Variants in MGAT4C observed in about 807,000 individuals in gnomAD.
The protein encoded by MGAT4C is MGAT4 family member C.
In MGAT4C, 19 loss-of-function variants were observed where a neutral mutation model predicts 40.1. That is an observed-to-expected ratio of 0.47 (90% confidence interval 0.33 to 0.70). The LOEUF (loss-of-function observed/expected upper bound fraction) is 0.70. Ranked by LOEUF, MGAT4C falls within the 30% of genes least tolerant of loss-of-function variation. MGAT4C has a pLI of 0.02. For missense variants in MGAT4C, 491 were observed against 563.2 expected, an observed-to-expected ratio of 0.87 and a Z score of 1.30; for synonymous variants, 181 against 187.1, an observed-to-expected ratio of 0.97 and a Z score of 0.27.
intron 4 of MGAT4C, 77 bp downstream of exon 4, chr12:85,983,446 C>T: frequency 1.5e-6 from 2 of 1,298,356 alleles, no homozygotes; most frequent in Non-Finnish European, 2.1e-6. Flanking sequence ...AGCCTTTTTA[C>T]TATACATGTG....
intron 2 of MGAT4C, among the ~76,000 whole-genome samples, chr12:86,012,166 T>C (rs1016511475): frequency 6.6e-6 from 1 of 152,202 alleles, no homozygotes; most frequent in African/African-American, 2.4e-5. Context: ...CTTAATGTCA[T>C]AGACATTTGC....
chr12:86,789,911 C>T (rs1478859914), intron 1 of MGAT4C, among the ~76,000 whole-genome samples: 1 of 151,962 alleles, frequency 6.6e-6, no homozygotes, highest in South Asian at 2.1e-4. Context: ...TTCACTTGAC[C>T]TTTTTCAACC....
At position 86,635,657 on chromosome 12, in the gene MGAT4C, TTG is replaced by T. The variant is rs71309507; in HGVS notation, c.-229+91550_-229+91551del. Among the ~76,000 whole-genome samples the T allele has an allele frequency of 6.6e-4, 97 of 146,984 alleles. 1 individual carries two copies. The highest frequency in any genetic ancestry group is 7.0e-3 in the Middle Eastern group (2 of 286). ...TTTTACTGTACCTTTTCTATATACA[TTG>T]TGTGTGTGTGTGTGTGTGTGTGTAT... On this transcript the variant is annotated intron_variant, in intron 2 of 7. Coordinates refer to the MGAT4C transcript ENST00000548651.
rs553479535 is a variant in MGAT4C, at chr12:86,306,052, T to C, written c.-57+28013A>G. ...GGAAAGATACATATTGCAAGAAAGGTTGAATTCATATTGATTAGGTAAGAA... is the reference window on the plus strand; with the variant it reads ...GGAAAGATACATATTGCAAGAAAGGCTGAATTCATATTGATTAGGTAAGAA... On this transcript the variant is annotated intron_variant, in intron 4 of 7. Transcript: ENST00000548651. 2.7e-5 allele frequency among the ~76,000 whole-genome samples: 4 copies of C among 150,656 alleles called. No individual in the cohort carries two copies. The South Asian group carries it at 8.3e-4, about 31-fold the overall frequency.
chr12:86,589,201 T>C (rs1961211634), intron 2 of MGAT4C, among the ~76,000 whole-genome samples: 1 of 151,756 alleles, frequency 6.6e-6, no homozygotes, highest in Admixed American at 6.6e-5. Flanking sequence ...ATAGACGCAA[T>C]AAAAAATGAT....
At chr12:86,412,808 C>A (rs1001267373) in intron 3 of MGAT4C, among the ~76,000 whole-genome samples, 2 of 152,052 alleles carry the variant, frequency 1.3e-5, no homozygotes, top group African/African-American at 4.8e-5. Flanking sequence ...GTGTCCCTAC[C>A]CAAATCTCAT....
chr12:86,501,665 G>A (rs571175212), intron 2 of MGAT4C, among the ~76,000 whole-genome samples: 44 of 152,096 alleles, frequency 2.9e-4, no homozygotes, highest in Non-Finnish European at 4.9e-4. Flanking sequence ...CCCTGCAAAG[G>A]ACATGATCTT....
At chr12:86,429,340 A>G (rs1956989432) in intron 3 of MGAT4C, among the ~76,000 whole-genome samples, 1 of 152,120 alleles carries the variant, frequency 6.6e-6, no homozygotes. Context: ...TATAATTTAT[A>G]TTTTTTAAAA....
intron 3 of MGAT4C, among the ~76,000 whole-genome samples, chr12:86,408,787 G>A (rs572613655): frequency 7.4e-4 from 113 of 151,792 alleles, no homozygotes; most frequent in South Asian, 3.5e-3. Context: ...TATCAAAAAG[G>A]AGAGATAGAA....
At chr12:86,539,332 T>C (rs2136383054) in intron 2 of MGAT4C, among the ~76,000 whole-genome samples, 1 of 152,104 alleles carries the variant, frequency 6.6e-6, no homozygotes, top group Admixed American at 6.6e-5. Flanking sequence ...GCTTCATCCA[T>C]GTCCCTACAA....
At chr12:86,079,323 C>A in intron 1 of MGAT4C, among the ~76,000 whole-genome samples, 1 of 152,194 alleles carries the variant, frequency 6.6e-6, no homozygotes, top group Middle Eastern at 3.4e-3. Flanking sequence ...TTGTAAAGGG[C>A]CCAAGAGACT....
At position 86,589,638 on chromosome 12, in the gene MGAT4C, G is replaced by A. The variant is rs866817197; in HGVS notation, c.-229+137571C>T. Reference sequence around the variant, plus strand: ...TAGACCAATATCCTTGATGAACATTGACGCAAAAAATCCTCAATAAAATAC... The same window carrying A: ...TAGACCAATATCCTTGATGAACATTAACGCAAAAAATCCTCAATAAAATAC... On this transcript the variant is annotated intron_variant, in intron 2 of 7. Transcript: ENST00000548651. Among the ~76,000 whole-genome samples the A allele has an allele frequency of 2.8e-4, 43 of 152,068 alleles. No individual in the cohort carries two copies. In the Middle Eastern group the frequency reaches 0.01, roughly 36 times the overall value.
chr12:86,032,654 C>T (rs573419284), intron 2 of MGAT4C, among the ~76,000 whole-genome samples: 7 of 149,656 alleles, frequency 4.7e-5, no homozygotes, highest in African/African-American at 1.7e-4. Flanking sequence ...CTTATAGATT[C>T]TGGATATTAG....
intron 2 of MGAT4C, chr12:86,013,736 A>T: frequency 1.0e-6 from 1 of 984,060 alleles, no homozygotes; most frequent in Non-Finnish European, 1.2e-6. Flanking sequence ...CGGCTTTTCT[A>T]GTGTCAGTCA....
At chr12:86,644,317 C>G (rs1963475950) in intron 2 of MGAT4C, among the ~76,000 whole-genome samples, 3 of 151,658 alleles carry the variant, frequency 2.0e-5, no homozygotes. Context: ...ATTCAAATGT[C>G]AGATATATTT....
chr12:86,304,010 T>C (rs1358378028), intron 4 of MGAT4C, among the ~76,000 whole-genome samples: 1 of 150,468 alleles, frequency 6.6e-6, no homozygotes, highest in Non-Finnish European at 1.5e-5. Context: ...GAGTTGATAA[T>C]AGGTAAATGT....
intron 3 of MGAT4C, among the ~76,000 whole-genome samples, chr12:86,413,148 T>A (rs1246588090): frequency 6.6e-6 from 1 of 152,094 alleles, no homozygotes; most frequent in Non-Finnish European, 1.5e-5. Flanking sequence ...TAAAATTGAC[T>A]TTTGTATACT....
chr12:86,387,537 A>T (rs1956077097), intron 3 of MGAT4C, among the ~76,000 whole-genome samples: 1 of 152,190 alleles, frequency 6.6e-6, no homozygotes, highest in Non-Finnish European at 1.5e-5. Flanking sequence ...TAATAAATTC[A>T]TAAGCTAAAC....
At position 86,816,140 on chromosome 12, in the gene MGAT4C, T is replaced by C. The variant is rs893861317; in HGVS notation, c.-262+22526A>G. 6.6e-5 allele frequency among the ~76,000 whole-genome samples: 10 copies of C among 152,086 alleles called. 1 individual carries two copies. In the South Asian group the frequency reaches 1.7e-3, roughly 25 times the overall value. ...AATTTTAAAGGGCCTGCTTTTAAGA[T>C]TGTATGATGAAACATGATATATTTT... On this transcript the variant is annotated intron_variant, in intron 1 of 7. Transcript: ENST00000548651.
Sources: gnomAD v4.1 joint callset for allele counts (sites outside exome capture counted in the v4.1 genomes callset) on GRCh38, gnomAD v4.1.1 for gene constraint, MANE v1.5 for transcripts, NCBI Gene and HGNC (gene_info 2026-07-23, HGNC 2026-07-21) for gene names.